The following ANKRD30B variants were observed in gnomAD, a reference collection of about 807,000 sequenced individuals.
ANKRD30B encodes ankyrin repeat domain 30B, also known as ankyrin repeat domain-containing protein 30B.
Under a neutral mutation model 202.2 loss-of-function variants are expected in ANKRD30B, and 144 were observed. That is an observed-to-expected ratio of 0.71 (90% CI 0.62 to 0.82). The LOEUF is 0.82. Ranked by LOEUF, ANKRD30B falls within the 40% of genes least tolerant of loss-of-function variation. The probability of loss-of-function intolerance (pLI) is 0.00; values close to 1 mark genes in which losing one functional copy is unlikely to be tolerated. For missense variants in ANKRD30B, 1,487 were observed against 1,669.1 expected (o/e 0.89, Z 1.90); for synonymous variants, 508 against 561.3 (o/e 0.91, Z 1.34).
intron 5 of ANKRD30B, among the ~76,000 whole-genome samples, chr18:14,758,621 C>G (rs960753303): frequency 1.3e-5 from 2 of 152,174 alleles, no homozygotes; most frequent in Non-Finnish European, 2.9e-5. Context: ...GCAGCTAGGA[C>G]TTTTATCTTT....
chr18:14,757,837 T>C lies in ANKRD30B; in HGVS notation c.640T>C (p.Cys214Arg). ...TAGCACAGCCCTCATGCTTGCCATA[T>C]GTGAAGGCTCATCAGAGATAGTCGG... ...SKCTALMLAICEGSSEIVGML... is the reference protein window; with the variant it reads ...SKCTALMLAIREGSSEIVGML... The change falls in exon 5 of 44, where the codon TGT becomes CGT. Residue 214 changes from cysteine to arginine, a missense_variant. Around this residue, in one of 6 missense-constraint regions of ANKRD30B, gnomAD observed 889 missense variants for 841.4 expected, o/e 1.06. Transcript: ENST00000690538. 1 of 1,613,734 alleles carries C rather than the reference T, an allele frequency of 6.2e-7. No individual in the cohort carries two copies. Among genetic ancestry groups the C allele is most frequent in the Non-Finnish European group, 8.5e-7 (1 of 1,179,874 alleles).
the ANKRD30B span, among the ~76,000 whole-genome samples, chr18:14,897,453 T>C: frequency 6.6e-6 from 1 of 152,158 alleles, no homozygotes; most frequent in African/African-American, 2.4e-5. Flanking sequence ...AGTGTTGGGA[T>C]TACAGGTATG....
At chr18:14,894,030 T>C in the ANKRD30B span, among the ~76,000 whole-genome samples, 2 of 152,036 alleles carry the variant, frequency 1.3e-5, no homozygotes, top group Non-Finnish European at 1.5e-5. Flanking sequence ...TCAAGCACAT[T>C]GACCATTTAG....
Position 14,775,985 on chromosome 18 carries a change from G to C in ANKRD30B, c.1330-2000G>C, listed in dbSNP as rs539004440. Among the ~76,000 whole-genome samples, 7 of 152,256 alleles carry C rather than the reference G, an allele frequency of 4.6e-5. No individual in the cohort carries two copies. The East Asian group carries it at 1.2e-3, about 25-fold the overall frequency. Reference sequence around the variant, plus strand: ...AAATGTGAAAACATTTTTTAAACTGGAAAGTCTGTATACAAATGTAAGACA... The same window carrying C: ...AAATGTGAAAACATTTTTTAAACTGCAAAGTCTGTATACAAATGTAAGACA... On this transcript the variant is annotated intron_variant, in intron 9 of 43. Transcript: ENST00000690538.
At chr18:14,866,482 G>A in the ANKRD30B span, among the ~76,000 whole-genome samples, 3 of 152,162 alleles carry the variant, frequency 2.0e-5, no homozygotes, top group Non-Finnish European at 4.4e-5. Context: ...AGGGTGGCTG[G>A]CAGCTGGAGC....
chr18:14,797,739 G>C, intron 19 of ANKRD30B, 43 bp from the exon 20 acceptor site: 1 of 1,603,528 alleles, frequency 6.2e-7, no homozygotes, highest in Non-Finnish European at 8.5e-7. Flanking sequence ...TATTTTTGAA[G>C]TGTACATTAT....
the ANKRD30B span, among the ~76,000 whole-genome samples, chr18:14,879,712 G>A: frequency 6.6e-6 from 1 of 150,708 alleles, no homozygotes; most frequent in Non-Finnish European, 1.5e-5. Flanking sequence ...GAGGGTTGGG[G>A]TTAGGGGTTA....
chr18:14,809,840 A>G (rs1348304290), intron 26 of ANKRD30B, 146 bp from the exon 27 acceptor site: 4 of 789,910 alleles, frequency 5.1e-6, no homozygotes, highest in Non-Finnish European at 8.5e-6. Context: ...GTTAACAAAT[A>G]CAATAACCCA....
the ANKRD30B span, chr18:14,888,950 A>C: frequency 2.9e-3 from 2,409 of 839,446 alleles, 52 homozygotes; most frequent in African/African-American, 0.039. Context: ...ATTTTTAGAG[A>C]GGCTCAATTA....
At position 14,799,360 on chromosome 18, in the gene ANKRD30B, A is replaced by G. The variant is rs888998514; in HGVS notation, c.2131+65A>G. ...TATTAAACTATTTGAAATGCTGAGCACCTTTTTATTCCCAATGTTGTTTTC... is the reference window on the plus strand; with the variant it reads ...TATTAAACTATTTGAAATGCTGAGCGCCTTTTTATTCCCAATGTTGTTTTC... On this transcript the variant is annotated intron_variant, in intron 22 of 43. Coordinates refer to ENST00000690538, the MANE Select transcript of ANKRD30B (RefSeq NM_001367607.2). 6.6e-6 allele frequency: 9 copies of G among 1,359,474 alleles called. No individual in the cohort carries two copies. The Admixed American group carries it at 1.4e-4, about 21-fold the overall frequency. 84.2% of individuals were successfully genotyped at this position (1,359,474 alleles called of 1,614,324 possible).
chr18:14,771,405 G>T (rs2143797226), intron 8 of ANKRD30B, among the ~76,000 whole-genome samples: 1 of 152,266 alleles, frequency 6.6e-6, no homozygotes, highest in Middle Eastern at 3.4e-3. Flanking sequence ...AAGTACCTAT[G>T]AAGATTTTTA....
chr18:14,758,602 C>A (rs753456034), intron 5 of ANKRD30B, among the ~76,000 whole-genome samples: 1 of 152,126 alleles, frequency 6.6e-6, no homozygotes, highest in Non-Finnish European at 1.5e-5. Context: ...GTACCAGCAC[C>A]CTGCTCTGGC....
At chr18:14,750,887 G>A (rs1913328091) in intron 1 of ANKRD30B, among the ~76,000 whole-genome samples, 1 of 151,974 alleles carries the variant, frequency 6.6e-6, no homozygotes. Flanking sequence ...TTTGCTATTT[G>A]AGGATACTTG....
At chr18:14,839,775 C>A (rs550518670) in intron 36 of ANKRD30B, among the ~76,000 whole-genome samples, 2 of 151,982 alleles carry the variant, frequency 1.3e-5, no homozygotes, top group Non-Finnish European at 2.9e-5. Flanking sequence ...TTATTTTAAG[C>A]CCTTGTTTTC....
Position 14,851,560 on chromosome 18 carries a change from T to C in ANKRD30B, c.3616T>C (p.Leu1206=). The change falls in exon 42 of 44, where the codon TTG becomes CTG. Residue 1206 remains leucine (L), a synonymous_variant. Coordinates refer to ENST00000690538, the MANE Select transcript of ANKRD30B (RefSeq NM_001367607.2). ...ENDLFHENCM[L]KKEIAMLKLE... Reference sequence around the variant, plus strand: ...TGATCTCTTTCATGAAAATTGCATGTTGAAAAAGGAAATTGCCATGCTAAA... The same window carrying C: ...TGATCTCTTTCATGAAAATTGCATGCTGAAAAAGGAAATTGCCATGCTAAA... 6.3e-7 allele frequency: 1 copy of C among 1,580,662 alleles called. No homozygotes were observed. Among genetic ancestry groups the C allele is most frequent in the Middle Eastern group, 1.7e-4 (1 of 5,868 alleles).
chr18:14,851,648 T>G lies in ANKRD30B; in HGVS notation c.3704T>G (p.Ile1235Ser). ...QVKENKYFED[I>S]KILQEKNAEL... ...AAGGAAAATAAATACTTTGAGGACATTAAGATTTTACAAGAAAAGAATGCT... is the reference window on the plus strand; with the variant it reads ...AAGGAAAATAAATACTTTGAGGACAGTAAGATTTTACAAGAAAAGAATGCT... The change falls in exon 42 of 44, where the codon ATT becomes AGT. Residue 1235 changes from isoleucine (I) to serine (S), a missense_variant. Ile to Ser is a moderately radical substitution (Grantham distance 142). This residue lies in a region of ANKRD30B where 177 missense variants were observed against 216.4 expected (regional missense o/e 0.82). Coordinates refer to ENST00000690538, the MANE Select transcript of ANKRD30B (RefSeq NM_001367607.2). 6.2e-7 allele frequency: 1 copy of G among 1,611,264 alleles called. No individual in the cohort carries two copies. Among genetic ancestry groups the G allele is most frequent in the Non-Finnish European group, 8.5e-7 (1 of 1,178,850 alleles).
chr18:14,765,417 C>T (rs113726310), intron 7 of ANKRD30B, among the ~76,000 whole-genome samples: 4 of 150,444 alleles, frequency 2.7e-5, no homozygotes, highest in Non-Finnish European at 2.9e-5. Flanking sequence ...GAGCTGAGAT[C>T]GCACCATTGC....
intron 33 of ANKRD30B, among the ~76,000 whole-genome samples, chr18:14,829,356 G>A (rs184302079): frequency 1.7e-3 from 262 of 152,182 alleles, no homozygotes; most frequent in African/African-American, 6.0e-3. Flanking sequence ...TCATTTCAAA[G>A]CCCATTACTC....
rs185568949 is a variant in ANKRD30B, at chr18:14,778,285, A to G, written c.1420+210A>G. The stretch of plus-strand genomic sequence containing the variant: ...GAGCTGAATTATTAGTTTAAATTCA[A>G]TATACTGTAAGACCTGAGGAAAGGA... On this transcript the variant is annotated intron_variant, in intron 10 of 43. Transcript: ENST00000690538. Among the ~76,000 whole-genome samples, 224 of 152,326 alleles carry G rather than the reference A, an allele frequency of 1.5e-3. 1 individual carries two copies. In the South Asian group the frequency reaches 0.03, roughly 21 times the overall value.
Sources: gnomAD v4.1 joint callset for allele counts (sites outside exome capture counted in the v4.1 genomes callset) on GRCh38, gnomAD v4.1.1 for gene constraint, gnomAD v4.1.1 regional missense constraint, MANE v1.5 for transcripts, NCBI Gene and HGNC (gene_info 2026-07-23, HGNC 2026-07-21) for gene names.